The following RPS6KB2 variants were observed in gnomAD, a reference collection of about 807,000 sequenced individuals.
RPS6KB2 encodes ribosomal protein S6 kinase B2, also known as ribosomal protein S6 kinase beta-2.
Under a neutral mutation model 58.2 loss-of-function variants are expected in RPS6KB2, and 51 were observed. The ratio of observed to expected loss-of-function variants is 0.88; its 90% CI spans 0.70 to 1.11. RPS6KB2 has a LOEUF of 1.11. Ranked by LOEUF, RPS6KB2 falls within the 50% of genes least tolerant of loss-of-function variation. The pLI is 0.00. For missense variants in RPS6KB2, 671 were observed against 655.8 expected, an observed-to-expected ratio of 1.02 and a Z score of -0.25; for synonymous variants, 293 against 258.6, an observed-to-expected ratio of 1.13 and a Z score of -1.28.
rs543512293 is a variant in RPS6KB2 at position 67,431,408 on chromosome 11, G to A, written c.350G>A (p.Arg117Gln). ...VRNAKDTAHTRAERNILESVK... is the reference protein window; with the variant it reads ...VRNAKDTAHTQAERNILESVK... ...AATGCCAAGGACACAGCACACACAC[G>A]GGCTGAGCGGAACATTCTAGAGTCA... is the stretch of plus-strand genomic sequence containing the variant. Residue 117 changes from arginine (R) to glutamine (Q), a missense_variant, in exon 5 of 15, where the codon CGG becomes CAG. By Grantham distance (43) the Arg-to-Gln change is conservative. Transcript: ENST00000312629. 2.2e-5 allele frequency: 36 copies of A among 1,614,076 alleles called. No individual in the cohort carries two copies. The African/African-American group carries it at 2.8e-4, about 13-fold the overall frequency.
chr11:67,429,264 C>T (rs566606831), intron 3 of RPS6KB2, 24 bp downstream of exon 3: 116 of 1,610,682 alleles, frequency 7.2e-5, no homozygotes, highest in South Asian at 1.3e-4. Flanking sequence ...CACCCTCCTC[C>T]TGGCCTCACA....
In RPS6KB2 at chr11:67,432,981, T is replaced by C. The variant is rs1864088952; in HGVS notation, c.646T>C (p.Cys216Arg). ...GHIKLTDFGL[C>R]KESIHEGAVT... ...CATCAAACTGACCGACTTTGGACTC[T>C]GCAAGGAGTCTATCCATGAGGGCGC... Residue 216 changes from cysteine (C) to arginine (R), a missense_variant, in exon 8 of 15, where the codon TGC (cysteine) becomes CGC (arginine). By Grantham distance (180) the Cys-to-Arg change is radical. Coordinates refer to ENST00000312629, the MANE Select transcript of RPS6KB2 (RefSeq NM_003952.3). The C allele has an allele frequency of 6.2e-7, 1 of 1,613,328 alleles. No individual in the cohort carries two copies. Among genetic ancestry groups the C allele is most frequent in the Admixed American group, 1.7e-5 (1 of 60,016 alleles).
intron 3 of RPS6KB2, 43 bp downstream of exon 3, chr11:67,429,283 C>G: frequency 3.1e-6 from 5 of 1,606,652 alleles, no homozygotes; most frequent in Non-Finnish European, 3.4e-6. Flanking sequence ...CAGCCTCCAT[C>G]TGGAGGCAGC....
rs1313933230 is a variant in RPS6KB2 at position 67,434,832 on chromosome 11, TC to T, written c.1268+140del. 4 of 985,678 alleles carry T rather than the reference TC, an allele frequency of 4.1e-6. No homozygotes were observed. The African/African-American group carries it at 6.5e-5, about 16-fold the overall frequency. The allele number at this position is 985,678 out of a possible 1,614,324, so 61.1% of individuals were successfully genotyped here. On this transcript the variant is annotated intron_variant, in intron 14 of 14. Transcript: ENST00000312629. ...CTGTGTCTATCATGGGGACCTCAGT[TC>T]CTACACCCCTTGTGGCCAGGCTGCC...
rs761874199 is a variant in RPS6KB2 at position 67,433,407 on chromosome 11, C to T, written c.866C>T (p.Pro289Leu). ...DKIIRGKLAL[P>L]PYLTPDARDL... Reference sequence around the variant, plus strand: ...ATCATCAGGGGCAAGCTGGCACTGCCCCCCTACCTCACCCCAGATGCCCGG... The same window carrying T: ...ATCATCAGGGGCAAGCTGGCACTGCTCCCCTACCTCACCCCAGATGCCCGG... Residue 289 changes from proline to leucine, a missense_variant, in exon 10 of 15, where the codon CCC becomes CTC. Transcript: ENST00000312629. 9 of 1,613,952 alleles carry T rather than the reference C, an allele frequency of 5.6e-6. No homozygotes were observed. Among genetic ancestry groups the T allele is most frequent in the South Asian group, 2.2e-5 (2 of 91,084 alleles).
Position 67,428,528 on chromosome 11 carries a change from C to T in RPS6KB2, c.-18C>T, listed in dbSNP as rs558877355. The T allele has an allele frequency of 1.9e-6, 3 of 1,598,954 alleles. No individual in the cohort carries two copies. Among genetic ancestry groups the T allele is most frequent in the East Asian group, 2.3e-5 (1 of 44,342 alleles). ...GCGGCCAGGTACGGGCCGACGGGCC[C>T]GCGGGGCCGGCGCCGCCATGGCGGC... On this transcript the variant is annotated 5_prime_UTR_variant, in exon 1 of 15. Transcript: ENST00000312629.
chr11:67,435,359 C>G lies in RPS6KB2; in HGVS notation c.*190C>G. ...GCACGGAGGGCCGCCCGCCACGCCC[C>G]GCGCTCAACTGCTCCCGTGGAAGAT... On this transcript the variant is annotated 3_prime_UTR_variant, in exon 15 of 15. Coordinates refer to ENST00000312629, the MANE Select transcript of RPS6KB2 (RefSeq NM_003952.3). 1 of 628,752 alleles carries G rather than the reference C, an allele frequency of 1.6e-6. No individual in the cohort carries two copies. The highest frequency in any genetic ancestry group is 2.7e-6 in the Non-Finnish European group (1 of 367,342). The allele number at this position is 628,752 out of a possible 1,614,324, so 38.9% of individuals were successfully genotyped here.
At position 67,429,070 on chromosome 11, in the gene RPS6KB2, G is replaced by T. The variant is rs749038713; in HGVS notation, c.119+48G>T. ...GAGGGGGGAATGGAGTGGGGAAGGG[G>T]AACTGGGGAGCACTGGAGCCTTGTC... On this transcript the variant is annotated intron_variant, in intron 2 of 14. Coordinates refer to ENST00000312629, the MANE Select transcript of RPS6KB2 (RefSeq NM_003952.3). The T allele has an allele frequency of 3.8e-6, 6 of 1,582,348 alleles. No homozygotes were observed. The East Asian group carries it at 1.3e-4, about 35-fold the overall frequency.
chr11:67,432,416 C>G, intron 5 of RPS6KB2, 184 bp from the exon 6 acceptor site: 1 of 719,980 alleles, frequency 1.4e-6, no homozygotes, highest in South Asian at 1.5e-5. Context: ...TCACCCAGCA[C>G]AGGGCCAGGC....
At chr11:67,434,136 G>A in intron 11 of RPS6KB2, 62 bp from the exon 12 acceptor site, 2 of 1,610,310 alleles carry the variant, frequency 1.2e-6, no homozygotes, top group Non-Finnish European at 8.5e-7. Context: ...CAGGGCAGAG[G>A]GAGTGACCGG....
At chr11:67,429,877 G>A (rs1364441658) in intron 4 of RPS6KB2, 1 of 298,630 alleles carries the variant, frequency 3.3e-6, no homozygotes, top group Non-Finnish European at 6.4e-6. Context: ...GCAGTGACGC[G>A]ATTTTGGCTC....
chr11:67,429,425 C>T lies in RPS6KB2; in HGVS notation c.241-102C>T. 7.2e-7 allele frequency: 1 copy of T among 1,382,734 alleles called. No homozygotes were observed. The highest frequency in any genetic ancestry group is 1.2e-5 in the South Asian group (1 of 81,344). The allele number at this position is 1,382,734 out of a possible 1,614,324, so 85.7% of individuals were successfully genotyped here. Reference sequence around the variant, plus strand: ...GAAATCTTCACTGCCCCACCCTTGGCAGGGCCTAGGCCTCCTGATCCCAAA... The same window carrying T: ...GAAATCTTCACTGCCCCACCCTTGGTAGGGCCTAGGCCTCCTGATCCCAAA... On this transcript the variant is annotated intron_variant, in intron 3 of 14. Transcript: ENST00000312629.
chr11:67,434,281 C>G lies in RPS6KB2; in HGVS notation c.1047+6C>G. ...CCCCTTTCAGGCCCTGTCTGGTGAG[C>G]AGCAGGGCTGGTGGCCAGTGGCCGG... On this transcript the variant is annotated splice_donor_region_variant and intron_variant, in intron 12 of 14. Transcript: ENST00000312629. 6.2e-7 allele frequency: 1 copy of G among 1,613,042 alleles called. No individual in the cohort carries two copies. Among genetic ancestry groups the G allele is most frequent in the Non-Finnish European group, 8.5e-7 (1 of 1,179,844 alleles).
Position 67,434,641 on chromosome 11 carries a change from GC to G in RPS6KB2, c.1218del (p.Lys407SerfsTer87). ...GCATCAAGGAGGGCTTCTCCTTCCAGCCCAAGCTGCGCTCACCCAGGCGCCT... is the reference window on the plus strand; with the variant it reads ...GCATCAAGGAGGGCTTCTCCTTCCAGCCAAGCTGCGCTCACCCAGGCGCCT... ...DSIKEGFSFQ[P>X]KLRSPRRLNS... On this transcript the variant is annotated frameshift_variant, in exon 14 of 15. Coordinates refer to ENST00000312629, the MANE Select transcript of RPS6KB2 (RefSeq NM_003952.3). LOFTEE classifies it high-confidence loss of function. The G allele has an allele frequency of 1.2e-6, 2 of 1,610,660 alleles. No homozygotes were observed. Among genetic ancestry groups the G allele is most frequent in the Non-Finnish European group, 1.7e-6 (2 of 1,179,360 alleles).
chr11:67,429,776 C>T (rs1366293679), intron 4 of RPS6KB2, 181 bp downstream of exon 4: 9 of 593,844 alleles, frequency 1.5e-5, no homozygotes, highest in Non-Finnish European at 2.4e-5. Context: ...GCAATTTTGA[C>T]TCCCAGCAGA....
chr11:67,433,572 G>C lies in RPS6KB2; in HGVS notation c.906+125G>C, dbSNP rs1864124668. 4.1e-6 allele frequency: 3 copies of C among 726,610 alleles called. 1 individual carries two copies. The South Asian group carries it at 4.9e-5, about 12-fold the overall frequency. 45.0% of individuals were successfully genotyped at this position (726,610 alleles called of 1,614,324 possible). ...TGCAGTTTGCCTCTGGGAATGAAAG[G>C]AGCCCCTCCCTTGAAGTCAGGGATT... On this transcript the variant is annotated intron_variant, in intron 10 of 14. Coordinates refer to ENST00000312629, the MANE Select transcript of RPS6KB2 (RefSeq NM_003952.3).
At chr11:67,428,753 G>A (rs1863924132) in intron 1 of RPS6KB2, 130 bp downstream of exon 1, 1 of 978,878 alleles carries the variant, frequency 1.0e-6, no homozygotes, top group Non-Finnish European at 1.5e-6. Flanking sequence ...CTCAGATCCC[G>A]GTCTCTATTA....
In RPS6KB2 at chr11:67,429,166, A is replaced by T. The variant is rs1329408759; in HGVS notation, c.166A>T (p.Asn56Tyr). Reference protein sequence around the residue: ...EEVELTETSVNVGPERIGPHC... With the variant: ...EEVELTETSVYVGPERIGPHC... Reference sequence around the variant, plus strand: ...GGTGGAGCTGACTGAGACCAGCGTGAACGTTGGCCCAGAGCGCATCGGGCC... The same window carrying T: ...GGTGGAGCTGACTGAGACCAGCGTGTACGTTGGCCCAGAGCGCATCGGGCC... The change falls in exon 3 of 15, where the codon AAC becomes TAC. Residue 56 changes from asparagine (N) to tyrosine (Y), a missense_variant. By Grantham distance (143) the Asn-to-Tyr change is moderately radical. Transcript: ENST00000312629. The T allele has an allele frequency of 6.2e-7, 1 of 1,613,892 alleles. No individual in the cohort carries two copies. The highest frequency in any genetic ancestry group is 2.2e-5 in the East Asian group (1 of 44,882).
chr11:67,431,634 C>G, intron 5 of RPS6KB2, 119 bp downstream of exon 5: 1 of 848,720 alleles, frequency 1.2e-6, no homozygotes, highest in Non-Finnish European at 1.8e-6. Flanking sequence ...TAGGGGGCCC[C>G]CACTCTGTCC....
Sources: gnomAD v4.1 joint callset for allele counts on GRCh38, gnomAD v4.1.1 for gene constraint, MANE v1.5 for transcripts, NCBI Gene and HGNC (gene_info 2026-07-23, HGNC 2026-07-21) for gene names.